MOCS1: variants seen among roughly 807,000 people sequenced by gnomAD.
MOCS1 encodes molybdenum cofactor synthesis 1, also known as molybdenum cofactor biosynthesis protein 1.
Under a neutral mutation model 57.6 loss-of-function variants are expected in MOCS1, and 39 were observed. That is an observed-to-expected ratio of 0.68 (90% CI 0.52 to 0.88). MOCS1 has a LOEUF of 0.88. Ranked by LOEUF, MOCS1 falls within the 40% of genes least tolerant of loss-of-function variation. The probability of loss-of-function intolerance (pLI) is 0.00; values close to 1 mark genes in which losing one functional copy is unlikely to be tolerated. For synonymous variants in MOCS1, 334 were observed against 335.7 expected, an observed-to-expected ratio of 1.00 and a Z score of 0.05; for missense variants, 795 against 831.1, an observed-to-expected ratio of 0.96 and a Z score of 0.53.
At chr6:39,925,495 A>G (rs765998457) in intron 3 of MOCS1, among the ~76,000 whole-genome samples, 183 bp downstream of exon 3, 28 of 152,286 alleles carry the variant, frequency 1.8e-4, no homozygotes, top group Admixed American at 1.6e-3. Context: ...AAGTTATCCA[A>G]CCTAAGCCTC....
rs536278543 is a variant in MOCS1 at position 39,905,368 on chromosome 6, G to A, written c.*989C>T. On this transcript the variant is annotated 3_prime_UTR_variant, in exon 11 of 11. Transcript: ENST00000340692. ...TTTTCCCATAGCGGGGCTATACAGA[G>A]AGTACACCCTTAGGCCTTTCCAGGT... 27 of 462,580 alleles carry A rather than the reference G, an allele frequency of 5.8e-5. No homozygotes were observed. Among genetic ancestry groups the A allele is most frequent in the African/African-American group, 5.0e-4 (25 of 50,202 alleles). 28.7% of individuals were successfully genotyped at this position (462,580 alleles called of 1,614,324 possible).
At chr6:39,913,560 C>CT (rs1422949808) in intron 5 of MOCS1, 132 bp from the exon 6 acceptor site, 1 of 975,090 alleles carries the variant, frequency 1.0e-6, no homozygotes, top group Admixed American at 2.0e-5. Flanking sequence ...ACTCAGTTCT[C>CT]TAAGTTACGG....
chr6:39,906,800 GTCCT>G lies in MOCS1; in HGVS notation c.1464_1467del (p.Glu488AspfsTer6). Reference sequence around the variant, plus strand: ...CTGCCCACATCTACCATAGCTGCCCGTCCTTCCGAGTCCACATGAGTTAGTTGTT... The same window carrying G: ...CTGCCCACATCTACCATAGCTGCCCGTCCGAGTCCACATGAGTTAGTTGTT... On this transcript the variant is annotated frameshift_variant, in exon 11 of 11. Transcript: ENST00000340692. LOFTEE classifies it high-confidence loss of function. 1 of 1,614,198 alleles carries G rather than the reference GTCCT, an allele frequency of 6.2e-7. No homozygotes were observed. The highest frequency in any genetic ancestry group is 8.5e-7 in the Non-Finnish European group (1 of 1,180,034).
chr6:39,930,287 G>A (rs74884253), intron 1 of MOCS1, among the ~76,000 whole-genome samples: 2,548 of 152,274 alleles, frequency 0.017, 34 homozygotes, highest in Middle Eastern at 0.041. Flanking sequence ...ATAGGACAGA[G>A]TAGACAGCAA....
rs1562082112 is a variant in MOCS1, at chr6:39,906,362, C to A, written c.1906G>T (p.Ala636Ser). The A allele has an allele frequency of 1.3e-6, 2 of 1,596,094 alleles. No homozygotes were observed. Among genetic ancestry groups the A allele is most frequent in the Non-Finnish European group, 1.7e-6 (2 of 1,168,238 alleles). The stretch of plus-strand genomic sequence containing the variant: ...ATGGGTGAGAAGGGCAGGTGCTAAG[C>A]CCGATGGAAGTCCCCCCGCTGACCA... The part of the protein sequence containing the change: ...TGGQRGDFHR[A>S] Residue 636 changes from alanine (A) to serine (S), a missense_variant, in exon 11 of 11, where the codon GCT becomes TCT. Coordinates refer to ENST00000340692, the MANE Select transcript of MOCS1 (RefSeq NM_001358530.2).
At chr6:39,926,017 A>G (rs577999338) in intron 2 of MOCS1, among the ~76,000 whole-genome samples, 172 bp from the exon 3 acceptor site, 2 of 152,332 alleles carry the variant, frequency 1.3e-5, no homozygotes, top group South Asian at 4.1e-4. Flanking sequence ...GCATCTCCCC[A>G]GGCCTCACCT....
intron 1 of MOCS1, among the ~76,000 whole-genome samples, chr6:39,930,816 A>G (rs2149425779): frequency 6.6e-6 from 1 of 152,336 alleles, no homozygotes; most frequent in Middle Eastern, 3.4e-3. Context: ...AGGTGAGCCT[A>G]TATTACAAGC....
chr6:39,928,219 C>A, intron 1 of MOCS1, among the ~76,000 whole-genome samples: 1 of 150,248 alleles, frequency 6.7e-6, no homozygotes, highest in South Asian at 2.1e-4. Context: ...GGCTGGAGTG[C>A]AGTAGCGCGA....
At chr6:39,924,736 G>A (rs150020484) in intron 3 of MOCS1, among the ~76,000 whole-genome samples, 49 of 152,280 alleles carry the variant, frequency 3.2e-4, no homozygotes, top group African/African-American at 1.1e-3. Context: ...TATAATTTTC[G>A]TGTGGTAGAA....
chr6:39,911,777 C>T (rs531495241), intron 8 of MOCS1, among the ~76,000 whole-genome samples: 8 of 152,300 alleles, frequency 5.3e-5, no homozygotes, highest in South Asian at 2.1e-4. Context: ...CAAGGACTCT[C>T]GTGCTGCCAC....
Position 39,926,063 on chromosome 6 carries a change from C to A in MOCS1, c.251-218G>T, listed in dbSNP as rs541748749. Among the ~76,000 whole-genome samples the A allele has an allele frequency of 1.3e-4, 20 of 152,348 alleles. No homozygotes were observed. In the South Asian group the frequency reaches 4.1e-3, roughly 32 times the overall value. On this transcript the variant is annotated intron_variant, in intron 2 of 10. Transcript: ENST00000340692. ...TGAAACGTTAACACCTTTCCCTATGCCCAACACACACAATCTGGCCATAAC... is the reference window on the plus strand; with the variant it reads ...TGAAACGTTAACACCTTTCCCTATGACCAACACACACAATCTGGCCATAAC...
intron 3 of MOCS1, among the ~76,000 whole-genome samples, chr6:39,923,119 C>G (rs1316173057): frequency 6.6e-6 from 1 of 152,144 alleles, no homozygotes; most frequent in Non-Finnish European, 1.5e-5. Context: ...GTTTCACCCA[C>G]CCCCACCACC....
At chr6:39,932,445 G>C (rs549638241) in intron 1 of MOCS1, 6 of 152,184 alleles carry the variant, frequency 3.9e-5, no homozygotes, top group African/African-American at 1.4e-4. Context: ...CGAAACTGGC[G>C]GGTGAAAACA....
intron 3 of MOCS1, among the ~76,000 whole-genome samples, chr6:39,921,991 T>C (rs1465162066): frequency 1.3e-5 from 2 of 152,160 alleles, no homozygotes; most frequent in Admixed American, 6.5e-5. Flanking sequence ...ATTCTTAAGC[T>C]AAGTCCAGCT....
At chr6:39,918,736 A>G (rs931913404) in intron 3 of MOCS1, among the ~76,000 whole-genome samples, 1 of 152,228 alleles carries the variant, frequency 6.6e-6, no homozygotes, top group Non-Finnish European at 1.5e-5. Flanking sequence ...ATGCAGAGGA[A>G]AAATGGCAGG....
Position 39,904,912 on chromosome 6 carries a change from G to A in MOCS1, c.*1445C>T, listed in dbSNP as rs575187638. On this transcript the variant is annotated 3_prime_UTR_variant, in exon 11 of 11. Transcript: ENST00000340692. The stretch of plus-strand genomic sequence containing the variant: ...TGCCTTCTTCCTATGAGGGGATCTG[G>A]GGTGGGCTGAGAGTGTGCTGGAGCC... 2.2e-3 allele frequency: 1,004 copies of A among 454,114 alleles called. 6 individuals are homozygous for A. Among genetic ancestry groups the A allele is most frequent in the Non-Finnish European group, 3.4e-3 (782 of 226,788 alleles). The allele number at this position is 454,114 out of a possible 1,614,324, so 28.1% of individuals were successfully genotyped here.
chr6:39,932,561 G>C (rs143348892), intron 1 of MOCS1: 1 of 152,358 alleles, frequency 6.6e-6, no homozygotes, highest in South Asian at 2.1e-4. Flanking sequence ...ACAACCCTGC[G>C]TTAAGCGCTT....
In MOCS1 at chr6:39,934,382, C is replaced by T. The variant is rs1194576122; in HGVS notation, c.36G>A (p.Arg12=). Residue 12 remains arginine, a synonymous_variant, in exon 1 of 11, where the codon CGG becomes CGA. Transcript: ENST00000340692. ...AGCTCCGGGCGCTGGACCTCAGAAG[C>T]CGCCGCAGCATCCGGGACAGTGGCC... ...AARPLSRMLR[R]LLRSSARSCS... 1.9e-6 allele frequency: 3 copies of T among 1,561,168 alleles called. No homozygotes were observed. Among genetic ancestry groups the T allele is most frequent in the South Asian group, 1.2e-5 (1 of 85,428 alleles).
At chr6:39,924,802 G>A (rs1431359133) in intron 3 of MOCS1, among the ~76,000 whole-genome samples, 1 of 152,136 alleles carries the variant, frequency 6.6e-6, no homozygotes, top group Non-Finnish European at 1.5e-5. Flanking sequence ...ACCATGGCAG[G>A]ATGCAGTGGC....
Sources: gnomAD v4.1 joint callset for allele counts (sites outside exome capture counted in the v4.1 genomes callset) on GRCh38, gnomAD v4.1.1 for gene constraint, MANE v1.5 for transcripts, NCBI Gene and HGNC (gene_info 2026-07-23, HGNC 2026-07-21) for gene names.